Variants in DLGAP2 observed in about 807,000 individuals in gnomAD.
DLGAP2 encodes the protein disks large-associated protein 2.
A neutral mutation model predicts 100.3 loss-of-function variants in DLGAP2; 26 were observed. The ratio of observed to expected loss-of-function variants is 0.26; its 90% CI spans 0.19 to 0.36. DLGAP2 has a LOEUF of 0.36. Among genes scored for constraint, DLGAP2 ranks in the 10% least tolerant of loss-of-function variants. DLGAP2 has a pLI of 1.00. For missense variants in DLGAP2, 1,858 were observed against 1,453.2 expected, an observed-to-expected ratio of 1.28 and a Z score of -4.53; for synonymous variants, 886 against 630.1, an observed-to-expected ratio of 1.41 and a Z score of -6.08.
chr8:1,202,025 ATG>A (rs919222145), intron 2 of DLGAP2, among the ~76,000 whole-genome samples: 1 of 149,072 alleles, frequency 6.7e-6, no homozygotes, highest in African/African-American at 2.5e-5. Context: ...GTCTATGTAC[ATG>A]TGTGCACATG....
intron 12 of DLGAP2, among the ~76,000 whole-genome samples, chr8:1,681,504 A>G (rs1798945013): frequency 6.6e-6 from 1 of 151,980 alleles, no homozygotes; most frequent in African/African-American, 2.4e-5. Context: ...TTAACATTTT[A>G]AAAAGTAGCC....
intron 13 of DLGAP2, among the ~76,000 whole-genome samples, chr8:1,692,750 G>A (rs945849995): frequency 6.6e-6 from 1 of 152,010 alleles, no homozygotes; most frequent in Non-Finnish European, 1.5e-5. Context: ...AGTCGGTAGT[G>A]AAACGAATAT....
intron 6 of DLGAP2, among the ~76,000 whole-genome samples, chr8:1,602,933 G>C (rs1176220663): frequency 1.3e-5 from 2 of 152,264 alleles, no homozygotes; most frequent in African/African-American, 4.8e-5. Flanking sequence ...AAATTCAACA[G>C]AATGAGGGGG....
chr8:1,392,995 G>C (rs914500297), intron 3 of DLGAP2, among the ~76,000 whole-genome samples: 1 of 77,746 alleles, frequency 1.3e-5, no homozygotes, highest in African/African-American at 5.3e-5. Flanking sequence ...CCTCAGGAAG[G>C]CATTCGAGGT....
intron 8 of DLGAP2, among the ~76,000 whole-genome samples, chr8:1,661,130 C>G (rs933877146): frequency 6.6e-6 from 1 of 152,204 alleles, no homozygotes; most frequent in African/African-American, 2.4e-5. Flanking sequence ...AAAACGTTGT[C>G]TAAATAGAAA....
chr8:1,616,559 C>T (rs1397624688), intron 6 of DLGAP2, among the ~76,000 whole-genome samples: 1 of 152,106 alleles, frequency 6.6e-6, no homozygotes, highest in South Asian at 2.1e-4. Flanking sequence ...TTGTCAGAAG[C>T]AATGGGAGCC....
chr8:1,348,139 G>A (rs555952742), intron 3 of DLGAP2, among the ~76,000 whole-genome samples: 2 of 151,990 alleles, frequency 1.3e-5, no homozygotes, highest in South Asian at 4.1e-4. Flanking sequence ...TGGAGGTTGA[G>A]TTCCCATACA....
At chr8:958,138 T>A (rs895300220) in intron 2 of DLGAP2, among the ~76,000 whole-genome samples, 9 of 152,194 alleles carry the variant, frequency 5.9e-5, no homozygotes, top group African/African-American at 2.2e-4. Context: ...TATACAATAT[T>A]TATAATGTTG....
Position 923,355 on chromosome 8 carries a change from G to A in DLGAP2, c.73+15389G>A, listed in dbSNP as rs138836864. On this transcript the variant is annotated intron_variant, in intron 2 of 14. Coordinates refer to ENST00000637795, the MANE Select transcript of DLGAP2 (RefSeq NM_001346810.2). ...TGACAGTGTCTTTCCCTAGGAATGC[G>A]TGGAGGAAGACTCTGAGGGGCCACT... Among the ~76,000 whole-genome samples, 33 of 152,352 alleles carry A rather than the reference G, an allele frequency of 2.2e-4. No individual in the cohort carries two copies. The East Asian group carries it at 6.0e-3, about 28-fold the overall frequency.
At position 914,538 on chromosome 8, in the gene DLGAP2, G is replaced by A. The variant is rs898509525; in HGVS notation, c.73+6572G>A. Among the ~76,000 whole-genome samples, 5 of 152,232 alleles carry A rather than the reference G, an allele frequency of 3.3e-5. No homozygotes were observed. The South Asian group carries it at 1.0e-3, about 31-fold the overall frequency. ...CATGGATGCTGTCTTTGTGCTGAGTGGAAAAATGTGACCCCCTGGGGAAAA... is the reference window on the plus strand; with the variant it reads ...CATGGATGCTGTCTTTGTGCTGAGTAGAAAAATGTGACCCCCTGGGGAAAA... On this transcript the variant is annotated intron_variant, in intron 2 of 14. Coordinates refer to ENST00000637795, the MANE Select transcript of DLGAP2 (RefSeq NM_001346810.2).
chr8:1,202,195 T>A (rs1053408201), intron 2 of DLGAP2, among the ~76,000 whole-genome samples: 3 of 151,998 alleles, frequency 2.0e-5, no homozygotes, highest in Non-Finnish European at 2.9e-5. Flanking sequence ...TGGTGTGATG[T>A]ATCTGTTGGT....
chr8:1,070,175 C>G (rs2129037127), intron 2 of DLGAP2, among the ~76,000 whole-genome samples: 1 of 152,294 alleles, frequency 6.6e-6, no homozygotes, highest in South Asian at 2.1e-4. Context: ...TTGACTTCAG[C>G]TGATTTGTAG....
At chr8:1,282,608 A>G (rs1476779211) in intron 3 of DLGAP2, among the ~76,000 whole-genome samples, 1 of 109,472 alleles carries the variant, frequency 9.1e-6, no homozygotes, top group Non-Finnish European at 1.9e-5. Flanking sequence ...TGAACCCAGC[A>G]CGTGAACCAT....
At chr8:1,269,076 C>T (rs993364816) in intron 3 of DLGAP2, among the ~76,000 whole-genome samples, 1 of 152,168 alleles carries the variant, frequency 6.6e-6, no homozygotes, top group South Asian at 2.1e-4. Context: ...GTGAATTCAT[C>T]AAGTCTAAAT....
chr8:1,245,374 A>G (rs1798881639), intron 2 of DLGAP2, among the ~76,000 whole-genome samples: 1 of 152,238 alleles, frequency 6.6e-6, no homozygotes, highest in Non-Finnish European at 1.5e-5. Context: ...GTGGATAAAT[A>G]TGCTGTGGTC....
intron 2 of DLGAP2, among the ~76,000 whole-genome samples, chr8:1,049,639 C>G (rs1341771336): frequency 6.6e-6 from 1 of 152,012 alleles, no homozygotes; most frequent in African/African-American, 2.4e-5. Flanking sequence ...GCTGGATTTA[C>G]TTTCAGGACA....
At chr8:1,298,637 C>T (rs547904178) in intron 3 of DLGAP2, among the ~76,000 whole-genome samples, 7 of 152,120 alleles carry the variant, frequency 4.6e-5, no homozygotes, top group African/African-American at 9.6e-5. Flanking sequence ...AGGCGCTGAG[C>T]GTGTGGGACG....
chr8:1,620,490 T>C (rs1347360052), intron 6 of DLGAP2: 3 of 152,334 alleles, frequency 2.0e-5, no homozygotes, highest in African/African-American at 7.2e-5. Flanking sequence ...TGCTCTGTTC[T>C]TTCACAGACT....
chr8:1,305,500 T>C (rs752863732), intron 3 of DLGAP2, among the ~76,000 whole-genome samples: 6 of 152,214 alleles, frequency 3.9e-5, no homozygotes, highest in Admixed American at 1.3e-4. Context: ...TTGTGTGTCT[T>C]TCTGTTCTGT....
Sources: gnomAD v4.1 joint callset for allele counts (sites outside exome capture counted in the v4.1 genomes callset) on GRCh38, gnomAD v4.1.1 for gene constraint, MANE v1.5 for transcripts, NCBI Gene and HGNC (gene_info 2026-07-23, HGNC 2026-07-21) for gene names.